Variants in NCAPG2 observed in about 807,000 individuals in gnomAD.
The protein encoded by NCAPG2 is non-SMC condensin II complex subunit G2.
In NCAPG2, 53 loss-of-function variants were observed where a neutral mutation model predicts 141.1. The ratio of observed to expected loss-of-function variants is 0.38; its 90% CI spans 0.30 to 0.47. The LOEUF (loss-of-function observed/expected upper bound fraction) is 0.47, where lower values mean the gene tolerates loss of function less well. NCAPG2 is among the 20% of genes least tolerant of loss of function. The pLI, the probability that NCAPG2 is intolerant of heterozygous loss-of-function variation, is 0.99. For missense variants in NCAPG2, 1,087 were observed against 1,389.0 expected (o/e 0.78, Z 3.46); for synonymous variants, 499 against 490.7 (o/e 1.02, Z -0.22).
intron 12 of NCAPG2, among the ~76,000 whole-genome samples, chr7:158,674,928 C>A (rs779393399): frequency 6.6e-6 from 1 of 152,216 alleles, no homozygotes; most frequent in Non-Finnish European, 1.5e-5. Context: ...GTAGCCCCCT[C>A]CCTCTGGTTC....
chr7:158,641,164 C>T (rs1387674716), intron 27 of NCAPG2: 2 of 226,086 alleles, frequency 8.8e-6, no homozygotes, highest in East Asian at 8.2e-5. Context: ...GGAAAGAAAA[C>T]GGCATCATAA....
intron 23 of NCAPG2, among the ~76,000 whole-genome samples, chr7:158,651,253 AG>A (rs1173761503): frequency 1.3e-5 from 2 of 152,162 alleles, no homozygotes; most frequent in East Asian, 3.9e-4. Flanking sequence ...AGGAATAAGG[AG>A]GGAGAGAGGC....
At position 158,652,443 on chromosome 7, in the gene NCAPG2, A is replaced by G. The variant is rs1436906016; in HGVS notation, c.2784T>C (p.Ile928=). Residue 928 remains isoleucine (I), a synonymous_variant, in exon 23 of 28, where the codon ATT becomes ATC. Transcript: ENST00000356309. ...GFFYVSLLLD[I]LKEITGSSLI... is the part of the protein sequence containing the mutation. Reference sequence around the variant, plus strand: ...AGGAACTTCCAGTTATCTCTTTCAGAATGTCAAGAAGTAATGAAACATAAA... The same window carrying G: ...AGGAACTTCCAGTTATCTCTTTCAGGATGTCAAGAAGTAATGAAACATAAA... 3.7e-6 allele frequency: 6 copies of G among 1,612,130 alleles called. No individual in the cohort carries two copies. The African/African-American group carries it at 6.7e-5, about 18-fold the overall frequency.
chr7:158,636,333 C>T (rs1033144274), intron 27 of NCAPG2, among the ~76,000 whole-genome samples: 4 of 151,878 alleles, frequency 2.6e-5, no homozygotes, highest in Non-Finnish European at 5.9e-5. Flanking sequence ...TCTTCCCTTT[C>T]ATCTTCAGAA....
Position 158,689,947 on chromosome 7 carries a change from C to G in NCAPG2, c.544G>C (p.Asp182His), listed in dbSNP as rs756038904. The change falls in exon 6 of 28, where the codon GAC (aspartate) becomes CAC (histidine). Residue 182 changes from aspartate to histidine, a missense_variant. Transcript: ENST00000356309. ...TGGATACGCCAAAGCCGACATACGT[C>G]TGCACCCTAGGAATGACACAAAAAA... is the stretch of plus-strand genomic sequence containing the variant. ...RRSLETKTGA[D>H]VCRLWRIHQA... 2.6e-6 allele frequency: 4 copies of G among 1,558,766 alleles called. No individual in the cohort carries two copies. In the African/African-American group the frequency reaches 5.6e-5, roughly 22 times the overall value.
In NCAPG2 at chr7:158,680,804, A is replaced by G; in HGVS notation, c.937T>C (p.Phe313Leu). 2 of 1,604,106 alleles carry G rather than the reference A, an allele frequency of 1.2e-6. No individual in the cohort carries two copies. Among genetic ancestry groups the G allele is most frequent in the Non-Finnish European group, 1.7e-6 (2 of 1,175,354 alleles). The change falls in exon 10 of 28, where the codon TTT becomes CTT. Residue 313 changes from phenylalanine to leucine, a missense_variant. Phe to Leu is a conservative substitution (Grantham distance 22). Transcript: ENST00000356309. ...HSKVREVLSY[F>L]HHQKKVRQGV... is the part of the protein sequence containing the mutation. ...TGCCGAACTTTCTTTTGATGGTGAA[A>G]GTAACTCAGAACCTAAGGACCAAAA...
At chr7:158,643,534 C>T (rs1161516747) in intron 27 of NCAPG2, among the ~76,000 whole-genome samples, 2 of 152,148 alleles carry the variant, frequency 1.3e-5, no homozygotes, top group Non-Finnish European at 2.9e-5. Context: ...ATAGAACAAG[C>T]CAACAGTCTA....
At chr7:158,664,433 A>G (rs1832762668) in intron 14 of NCAPG2, 95 bp downstream of exon 14, 1 of 1,507,916 alleles carries the variant, frequency 6.6e-7, no homozygotes, top group Admixed American at 1.8e-5. Context: ...TTAAAGTATG[A>G]AGCTTATTAA....
At chr7:158,672,461 G>GC (rs1366298042) in intron 12 of NCAPG2, among the ~76,000 whole-genome samples, 4 of 140,434 alleles carry the variant, frequency 2.8e-5, no homozygotes, top group African/African-American at 8.0e-5. Flanking sequence ...TCCTGCCTCA[G>GC]CCCCCCAAGT....
chr7:158,697,639 A>G (rs1213509650), intron 2 of NCAPG2, among the ~76,000 whole-genome samples: 1 of 152,090 alleles, frequency 6.6e-6, no homozygotes, highest in Non-Finnish European at 1.5e-5. Context: ...GAAAAAAGCT[A>G]TCAAATAGGG....
At chr7:158,694,555 C>A (rs1185646143) in intron 2 of NCAPG2, among the ~76,000 whole-genome samples, 1 of 152,174 alleles carries the variant, frequency 6.6e-6, no homozygotes, top group Non-Finnish European at 1.5e-5. Flanking sequence ...CCTAACACTG[C>A]TAAGCAGTTC....
chr7:158,664,695 C>T lies in NCAPG2; in HGVS notation c.1535G>A (p.Arg512Gln), dbSNP rs772963478. 1.4e-5 allele frequency: 22 copies of T among 1,613,896 alleles called. No individual in the cohort carries two copies. The highest frequency in any genetic ancestry group is 1.6e-4 in the Middle Eastern group (1 of 6,084). The change falls in exon 14 of 28, where the codon CGA becomes CAA. Residue 512 changes from arginine (R) to glutamine (Q), a missense_variant. By Grantham distance (43) the Arg-to-Gln change is conservative. Transcript: ENST00000356309. ...HILVRLETDS[R>Q]PVSRRLVSLI... is the part of the protein sequence containing the mutation. ...GCTCACCAGGCGCCGAGACACAGGT[C>T]GAGAATCAGTTTCCAGACGAACCAG...
chr7:158,647,475 C>T (rs751229383), intron 24 of NCAPG2, among the ~76,000 whole-genome samples: 3 of 152,230 alleles, frequency 2.0e-5, no homozygotes, highest in Non-Finnish European at 2.9e-5. Flanking sequence ...AATTATCAGC[C>T]TTGTGAGCTT....
At chr7:158,664,362 G>A in intron 14 of NCAPG2, 66 bp from the exon 15 acceptor site, 2 of 1,533,106 alleles carry the variant, frequency 1.3e-6, no homozygotes, top group East Asian at 2.3e-5. Context: ...CTATCTGATA[G>A]TGAAATTATA....
chr7:158,652,365 G>T lies in NCAPG2; in HGVS notation c.2862C>A (p.Val954=). ...CCAACATTTTCTGAAATACTTTCTG[G>T]ACTGTGTCCAACAGCATTGCAACTT... The part of the protein sequence containing the change: ...DEEVAMLLDT[V]QKVFQKMLEC... Residue 954 remains valine, a synonymous_variant, in exon 23 of 28, where the codon GTC becomes GTA. Transcript: ENST00000356309. 1 of 1,613,830 alleles carries T rather than the reference G, an allele frequency of 6.2e-7. No individual in the cohort carries two copies. The highest frequency in any genetic ancestry group is 8.5e-7 in the Non-Finnish European group (1 of 1,179,970).
chr7:158,689,921 A>G lies in NCAPG2; in HGVS notation c.570T>C (p.His190=). The G allele has an allele frequency of 6.2e-7, 1 of 1,603,066 alleles. No homozygotes were observed. Among genetic ancestry groups the G allele is most frequent in the Non-Finnish European group, 8.5e-7 (1 of 1,175,662 alleles). ...GADVCRLWRI[H]QALYCFDYDL... ...CATAATCAAAGCAATATAAAGCTTG[A>G]TGGATACGCCAAAGCCGACATACGT... Residue 190 remains histidine (H), a synonymous_variant, in exon 6 of 28, where the codon CAT becomes CAC. Transcript: ENST00000356309.
chr7:158,653,906 C>A (rs535090137), intron 22 of NCAPG2, among the ~76,000 whole-genome samples: 1 of 152,002 alleles, frequency 6.6e-6, no homozygotes, highest in Non-Finnish European at 1.5e-5. Flanking sequence ...ACCACAGAAG[C>A]GGCTGAGGGG....
intron 12 of NCAPG2, among the ~76,000 whole-genome samples, chr7:158,674,953 C>T (rs997335508): frequency 2.6e-5 from 4 of 152,150 alleles, no homozygotes; most frequent in South Asian, 4.1e-4. Flanking sequence ...CACACCTGGC[C>T]GTTTCACATT....
Position 158,671,586 on chromosome 7 carries a change from G to T in NCAPG2, c.1407C>A (p.His469Gln). ...QLLPALRYSL[H>Q]DNSEKVRVAF... ...CTACCCTCACTTTCTCCGAATTGTC[G>T]TGGAGACTGTATCTGAGAGCTGGAA... The change falls in exon 13 of 28, where the codon CAC becomes CAA. Residue 469 changes from histidine (H) to glutamine (Q), a missense_variant. By Grantham distance (24) the His-to-Gln change is conservative. Coordinates refer to ENST00000356309, the MANE Select transcript of NCAPG2 (RefSeq NM_017760.7). 2 of 1,614,144 alleles carry T rather than the reference G, an allele frequency of 1.2e-6. No individual in the cohort carries two copies. Among genetic ancestry groups the T allele is most frequent in the South Asian group, 1.1e-5 (1 of 91,076 alleles).
Sources: gnomAD v4.1 joint callset for allele counts (sites outside exome capture counted in the v4.1 genomes callset) on GRCh38, gnomAD v4.1.1 for gene constraint, MANE v1.5 for transcripts, NCBI Gene and HGNC (gene_info 2026-07-23, HGNC 2026-07-21) for gene names.